Variants in CACNA2D3 observed in about 807,000 individuals in gnomAD.
The protein encoded by CACNA2D3 is calcium voltage-gated channel auxiliary subunit alpha2delta 3.
Under a neutral mutation model 160.6 loss-of-function variants are expected in CACNA2D3, and 60 were observed. The observed-to-expected ratio is 0.37, with a 90% CI of 0.30 to 0.46. The LOEUF is 0.46. Among genes scored for constraint, CACNA2D3 ranks in the 20% least tolerant of loss-of-function variants. The probability of loss-of-function intolerance (pLI) is 1.00; values close to 1 mark genes in which losing one functional copy is unlikely to be tolerated. For missense variants in CACNA2D3, 1,205 were observed against 1,365.0 expected (o/e 0.88, Z 1.85); for synonymous variants, 558 against 492.9 (o/e 1.13, Z -1.75).
chr3:54,400,402 AT>A, intron 4 of CACNA2D3, among the ~76,000 whole-genome samples: 1 of 152,016 alleles, frequency 6.6e-6, no homozygotes, highest in East Asian at 2.0e-4. Context: ...TCTTCCATGG[AT>A]ATTCTGAGCA....
intron 29 of CACNA2D3, among the ~76,000 whole-genome samples, chr3:54,979,244 C>T (rs1045124734): frequency 1.3e-5 from 2 of 151,768 alleles, no homozygotes; most frequent in South Asian, 4.2e-4. Context: ...ACTGTGTAGA[C>T]AAGGTATGAG....
chr3:54,626,460 G>C, intron 9 of CACNA2D3: 1 of 1,601,860 alleles, frequency 6.2e-7, no homozygotes, highest in Non-Finnish European at 8.5e-7. Flanking sequence ...TGCGTGACGT[G>C]ATCATCCTGC....
chr3:54,317,698 T>C (rs1347643302), intron 2 of CACNA2D3, among the ~76,000 whole-genome samples: 1 of 152,136 alleles, frequency 6.6e-6, no homozygotes. Context: ...CCACCATAAC[T>C]GACTAATTTT....
chr3:54,946,995 C>T (rs1247398004), intron 27 of CACNA2D3, among the ~76,000 whole-genome samples: 2 of 152,100 alleles, frequency 1.3e-5, no homozygotes, highest in Non-Finnish European at 2.9e-5. Flanking sequence ...ATTAGAATTA[C>T]CTGGAGAGCC....
chr3:54,508,281 G>T (rs555156724), intron 5 of CACNA2D3, among the ~76,000 whole-genome samples: 7 of 152,324 alleles, frequency 4.6e-5, no homozygotes, highest in Admixed American at 3.3e-4. Flanking sequence ...TGACAGCTTT[G>T]CCAGGAAGAG....
chr3:54,321,884 G>A (rs1704006664), intron 3 of CACNA2D3, among the ~76,000 whole-genome samples: 1 of 132,606 alleles, frequency 7.5e-6, no homozygotes, highest in East Asian at 2.3e-4. Flanking sequence ...CTGCTCCAGC[G>A]ACAGTGGTGT....
At chr3:54,611,329 T>C (rs926637521) in intron 9 of CACNA2D3, among the ~76,000 whole-genome samples, 5 of 151,932 alleles carry the variant, frequency 3.3e-5, no homozygotes, top group Non-Finnish European at 5.9e-5. Context: ...CTTCAGGAGG[T>C]TATTTGAATC....
intron 4 of CACNA2D3, among the ~76,000 whole-genome samples, chr3:54,473,889 C>T (rs1046506111): frequency 1.3e-5 from 2 of 152,080 alleles, no homozygotes; most frequent in South Asian, 2.1e-4. Flanking sequence ...ATTAAAAAGT[C>T]GGGAAACAAC....
In CACNA2D3 at chr3:54,869,064, G is replaced by C. The variant is rs140223642; in HGVS notation, c.1627-2475G>C. Among the ~76,000 whole-genome samples the C allele has an allele frequency of 5.7e-3, 861 of 152,358 alleles. 13 individuals carry two copies. The highest frequency in any genetic ancestry group is 0.041 in the South Asian group (196 of 4,826). On this transcript the variant is annotated intron_variant, in intron 17 of 37. Transcript: ENST00000474759. ...GGATCACACACCCAATGTGATGTGA[G>C]TGGTGTGACACGGCAGAGCCACTGT...
intron 5 of CACNA2D3, among the ~76,000 whole-genome samples, chr3:54,561,107 G>C (rs1297308765): frequency 2.0e-5 from 3 of 152,122 alleles, no homozygotes; most frequent in African/African-American, 4.8e-5. Flanking sequence ...TTCTAGTTCT[G>C]TGAAGAATCT....
intron 27 of CACNA2D3, among the ~76,000 whole-genome samples, chr3:54,939,554 C>T (rs17054579): frequency 0.013 from 1,928 of 152,312 alleles, 40 homozygotes; most frequent in African/African-American, 0.043. Flanking sequence ...TCTGCTGTGG[C>T]CAGGGATTGG....
At chr3:54,411,110 A>G (rs1699661367) in intron 4 of CACNA2D3, among the ~76,000 whole-genome samples, 3 of 152,214 alleles carry the variant, frequency 2.0e-5, no homozygotes. Flanking sequence ...ATCTCATGAT[A>G]AAAGTTTAAT....
At chr3:54,708,542 T>C (rs1054793195) in intron 11 of CACNA2D3, among the ~76,000 whole-genome samples, 77 of 152,284 alleles carry the variant, frequency 5.1e-4, no homozygotes, top group African/African-American at 1.7e-3. Context: ...TAAATGTTGA[T>C]TGAGCAGAGA....
intron 27 of CACNA2D3, among the ~76,000 whole-genome samples, chr3:54,956,770 C>T (rs1701906769): frequency 1.3e-5 from 2 of 152,140 alleles, no homozygotes; most frequent in African/African-American, 4.8e-5. Flanking sequence ...TATTTAGATG[C>T]ATTAATTGGT....
rs911956769 is a variant in CACNA2D3 at position 54,916,578 on chromosome 3, G to A, written c.2449+16710G>A. On this transcript the variant is annotated intron_variant, in intron 27 of 37. Coordinates refer to ENST00000474759, the MANE Select transcript of CACNA2D3 (RefSeq NM_018398.3). ...ATCATCTAGCAAAATTGCTGCTCCA[G>A]AAAGGTGGTCCATCTTTAGCCTCTG... Among the ~76,000 whole-genome samples the A allele has an allele frequency of 4.6e-5, 7 of 152,204 alleles. No homozygotes were observed. The East Asian group carries it at 9.6e-4, about 21-fold the overall frequency.
chr3:54,808,906 C>G (rs924280965), intron 13 of CACNA2D3, among the ~76,000 whole-genome samples: 13 of 152,112 alleles, frequency 8.5e-5, no homozygotes, highest in African/African-American at 2.9e-4. Context: ...CGGATTGGAG[C>G]CAGCCCTAAG....
intron 35 of CACNA2D3, among the ~76,000 whole-genome samples, chr3:55,029,502 A>G (rs1402907548): frequency 6.6e-6 from 1 of 152,122 alleles, no homozygotes; most frequent in Non-Finnish European, 1.5e-5. Context: ...AAACCACAGG[A>G]CTCCTTACTC....
chr3:54,810,811 G>A (rs1703287876), intron 13 of CACNA2D3, among the ~76,000 whole-genome samples: 1 of 152,164 alleles, frequency 6.6e-6, no homozygotes, highest in Non-Finnish European at 1.5e-5. Context: ...ACCCCCATGG[G>A]TCTGTGTGAA....
intron 35 of CACNA2D3, among the ~76,000 whole-genome samples, chr3:55,024,961 A>C (rs1703533958): frequency 6.6e-6 from 1 of 152,162 alleles, no homozygotes; most frequent in Admixed American, 6.5e-5. Flanking sequence ...TTTTATAATG[A>C]TTGAGATCCT....
Sources: allele counts gnomAD v4.1 joint callset (sites outside exome capture counted in the v4.1 genomes callset), GRCh38; gene constraint gnomAD v4.1.1; transcripts MANE v1.5; gene names NCBI Gene and HGNC (gene_info 2026-07-23, HGNC 2026-07-21).